CHST1: variants seen among roughly 807,000 people sequenced by gnomAD.
CHST1 encodes Keratan sulfotransferase.
A neutral mutation model predicts 22.5 loss-of-function variants in CHST1; 10 were observed. The observed-to-expected ratio is 0.44, with a 90% CI of 0.27 to 0.75. The LOEUF (loss-of-function observed/expected upper bound fraction) is 0.75, where lower values mean the gene tolerates loss of function less well. Ranked by LOEUF, CHST1 falls within the 30% of genes least tolerant of loss-of-function variation. The pLI is 0.15. For missense variants in CHST1, 439 were observed against 576.1 expected (o/e 0.76, Z 2.44); for synonymous variants, 267 against 264.5 (o/e 1.01, Z -0.09).
chr11:45,657,861 C>G (rs750665855), intron 1 of CHST1, among the ~76,000 whole-genome samples: 1 of 152,142 alleles, frequency 6.6e-6, no homozygotes, highest in East Asian at 1.9e-4. Context: ...CCCTAGAATC[C>G]CTGGGCCCCA....
In CHST1 at chr11:45,650,913, G is replaced by A. The variant is rs758749450; in HGVS notation, c.11C>T (p.Ser4Phe). 12 of 1,535,334 alleles carry A rather than the reference G, an allele frequency of 7.8e-6. No individual in the cohort carries two copies. Among genetic ancestry groups the A allele is most frequent in the Non-Finnish European group, 1.1e-5 (12 of 1,140,646 alleles). The change falls in exon 4 of 4, where the codon TCC (serine) becomes TTC (phenylalanine). Residue 4 changes from serine to phenylalanine, a missense_variant. Ser to Phe is a radical substitution (Grantham distance 155, BLOSUM62 -2). Coordinates refer to ENST00000308064, the MANE Select transcript of CHST1 (RefSeq NM_003654.6). Reference protein sequence around the residue: MQCSWKAVLLLALA... With the variant: MQCFWKAVLLLALA... ...GGCAAGGAGGAGGACGGCCTTCCAG[G>A]AACATTGCATGGCTGGGCACCTTCA...
Position 45,649,590 on chromosome 11 carries a change from G to T in CHST1, c.*98C>A. 1 of 1,246,512 alleles carries T rather than the reference G, an allele frequency of 8.0e-7. No homozygotes were observed. The highest frequency in any genetic ancestry group is 1.1e-6 in the Non-Finnish European group (1 of 903,340). The allele number at this position is 1,246,512 out of a possible 1,614,324, so 77.2% of individuals were successfully genotyped here. ...GGGGGCAGGAAGGACACGAAGATGA[G>T]GTGGGAGAGGGAGGGGTTAATAAGG... On this transcript the variant is annotated 3_prime_UTR_variant, in exon 4 of 4. Transcript: ENST00000308064.
chr11:45,650,571 C>A lies in CHST1; in HGVS notation c.353G>T (p.Gly118Val). The change falls in exon 4 of 4, where the codon GGC becomes GTC. Residue 118 changes from glycine to valine, a missense_variant. Gly to Val is a moderately radical substitution (Grantham distance 109). Transcript: ENST00000308064. ...GCTCCGCAGGAGGTCGCGGCTGGCG[C>A]CTAGCATGACCCGCCGGTCGGCCGG... ...KSPADRRVML[G>V]ASRDLLRSLY... is the part of the protein sequence containing the mutation. 6.2e-7 allele frequency: 1 copy of A among 1,613,798 alleles called. No individual in the cohort carries two copies.
chr11:45,658,881 AG>A (rs767160312), intron 1 of CHST1, among the ~76,000 whole-genome samples: 31 of 152,018 alleles, frequency 2.0e-4, no homozygotes, highest in Non-Finnish European at 8.8e-5. Flanking sequence ...CCATCCTCCC[AG>A]CTTCAAGGAT....
intron 1 of CHST1, among the ~76,000 whole-genome samples, chr11:45,658,718 G>C (rs1370813337): frequency 6.6e-6 from 1 of 152,252 alleles, no homozygotes; most frequent in South Asian, 2.1e-4. Context: ...TCTCAGGCCA[G>C]TCCTGGTACA....
intron 1 of CHST1, among the ~76,000 whole-genome samples, chr11:45,661,760 G>A (rs1211801042): frequency 1.3e-5 from 2 of 152,236 alleles, no homozygotes; most frequent in Non-Finnish European, 2.9e-5. Flanking sequence ...CATCTTCCAG[G>A]AGGGGAGGAG....
chr11:45,658,793 TC>T (rs1361838798), intron 1 of CHST1, among the ~76,000 whole-genome samples: 3 of 129,678 alleles, frequency 2.3e-5, no homozygotes, highest in African/African-American at 8.8e-5. Flanking sequence ...CGGTTTCCTG[TC>T]CCCCGCCCCA....
At position 45,648,278 on chromosome 11, in the gene CHST1, C is replaced by T. The variant is rs953244398; in HGVS notation, c.*1410G>A. 6.6e-6 allele frequency among the ~76,000 whole-genome samples: 1 copy of T among 152,124 alleles called. No individual in the cohort carries two copies. The highest frequency in any genetic ancestry group is 2.4e-5 in the African/African-American group (1 of 41,426). Reference sequence around the variant, plus strand: ...TAACATTTAGCACAAGAAGGGATTCCAGGATGTCATTCTTACCTCCAGCTA... The same window carrying T: ...TAACATTTAGCACAAGAAGGGATTCTAGGATGTCATTCTTACCTCCAGCTA... On this transcript the variant is annotated 3_prime_UTR_variant, in exon 4 of 4. Transcript: ENST00000308064.
intron 1 of CHST1, among the ~76,000 whole-genome samples, chr11:45,654,637 C>G (rs1469699361): frequency 6.6e-6 from 1 of 152,226 alleles, no homozygotes; most frequent in Non-Finnish European, 1.5e-5. Flanking sequence ...CAGACTGTGG[C>G]CCCCAGAGCC....
intron 1 of CHST1, among the ~76,000 whole-genome samples, chr11:45,653,450 C>A (rs1467582973): frequency 3.9e-5 from 6 of 152,292 alleles, no homozygotes; most frequent in Non-Finnish European, 8.8e-5. Context: ...CGACCTCATC[C>A]CATAGTGGCA....
rs1396493617 is a variant in CHST1, at chr11:45,648,901, G to C, written c.*787C>G. 6.6e-6 allele frequency: 1 copy of C among 152,526 alleles called. No homozygotes were observed. Among genetic ancestry groups the C allele is most frequent in the Non-Finnish European group, 1.5e-5 (1 of 68,016 alleles). The allele number at this position is 152,526 out of a possible 1,614,324, so 9.4% of individuals were successfully genotyped here. A position where few individuals can be genotyped will look rare whatever the true frequency, so the allele number is the denominator to read the frequency against. Reference sequence around the variant, plus strand: ...AGATTATTGCACTCTTTTATTTACAGAAAACACAGATAAAGCATTTCAATT... The same window carrying C: ...AGATTATTGCACTCTTTTATTTACACAAAACACAGATAAAGCATTTCAATT... On this transcript the variant is annotated 3_prime_UTR_variant, in exon 4 of 4. Coordinates refer to ENST00000308064, the MANE Select transcript of CHST1 (RefSeq NM_003654.6).
intron 1 of CHST1, among the ~76,000 whole-genome samples, chr11:45,661,231 C>G (rs1590694419): frequency 6.6e-6 from 1 of 152,200 alleles, no homozygotes; most frequent in Non-Finnish European, 1.5e-5. Context: ...GTCCCAAGGG[C>G]CCCGGGTGGA....
chr11:45,648,658 T>C lies in CHST1; in HGVS notation c.*1030A>G, dbSNP rs1851948342. 6.6e-6 allele frequency among the ~76,000 whole-genome samples: 1 copy of C among 152,066 alleles called. No individual in the cohort carries two copies. On this transcript the variant is annotated 3_prime_UTR_variant, in exon 4 of 4. Coordinates refer to ENST00000308064, the MANE Select transcript of CHST1 (RefSeq NM_003654.6). ...GTGAGCCGAGATGGCGCCATTGCAC[T>C]CCAGCCTGGGTGACAGAGCGAGACT... is the stretch of plus-strand genomic sequence containing the variant.
At chr11:45,651,041 C>T (rs1851992673) in intron 3 of CHST1, 76 bp from the exon 4 acceptor site, 8 of 1,152,540 alleles carry the variant, frequency 6.9e-6, no homozygotes, top group Non-Finnish European at 8.3e-6. Context: ...GAGCCGGTCT[C>T]CAAGGGGCCC....
intron 1 of CHST1, among the ~76,000 whole-genome samples, chr11:45,664,789 C>T (rs953521220): frequency 6.6e-6 from 1 of 152,158 alleles, no homozygotes. Context: ...TTGGTGCGGG[C>T]GCGGGGACCT....
chr11:45,656,664 T>C (rs1470470223), intron 1 of CHST1, among the ~76,000 whole-genome samples: 1 of 152,094 alleles, frequency 6.6e-6, no homozygotes, highest in Non-Finnish European at 1.5e-5. Flanking sequence ...AGAGGGGTGA[T>C]TGATGACAGG....
rs531324523 is a variant in CHST1 at position 45,647,954 on chromosome 11, C to T, written c.*1734G>A. 3.9e-5 allele frequency among the ~76,000 whole-genome samples: 6 copies of T among 152,270 alleles called. No homozygotes were observed. The East Asian group carries it at 1.2e-3, about 29-fold the overall frequency. Reference sequence around the variant, plus strand: ...AGGACCCCTGGGGCTGCCTAATCACCAGACACTCCTTTGTCCCAGGACAAC... The same window carrying T: ...AGGACCCCTGGGGCTGCCTAATCACTAGACACTCCTTTGTCCCAGGACAAC... On this transcript the variant is annotated 3_prime_UTR_variant, in exon 4 of 4. Transcript: ENST00000308064.
At chr11:45,662,236 A>G (rs985799598) in intron 1 of CHST1, among the ~76,000 whole-genome samples, 2 of 151,748 alleles carry the variant, frequency 1.3e-5, no homozygotes, top group Non-Finnish European at 2.9e-5. Context: ...CTCTGCCTGG[A>G]CCTCTTCTGC....
At chr11:45,657,330 G>A (rs1363773332) in intron 1 of CHST1, among the ~76,000 whole-genome samples, 1 of 152,192 alleles carries the variant, frequency 6.6e-6, no homozygotes, top group African/African-American at 2.4e-5. Flanking sequence ...GGGAAAACAA[G>A]GGTATAAGAG....
Sources: gnomAD v4.1 joint callset for allele counts (sites outside exome capture counted in the v4.1 genomes callset) on GRCh38, gnomAD v4.1.1 for gene constraint, MANE v1.5 for transcripts, NCBI Gene and HGNC (gene_info 2026-07-23, HGNC 2026-07-21) for gene names.